The following ZMYM4 variants were observed in gnomAD, a reference collection of about 807,000 sequenced individuals.
The protein encoded by ZMYM4 is zinc finger MYM-type containing 4, also known as zinc finger MYM-type protein 4.
In ZMYM4, 31 loss-of-function variants were observed where a neutral mutation model predicts 183.2. That is an observed-to-expected ratio of 0.17 (90% CI 0.13 to 0.23). The LOEUF (loss-of-function observed/expected upper bound fraction) is 0.23, where lower values mean the gene tolerates loss of function less well. Among genes scored for constraint, ZMYM4 ranks in the 10% least tolerant of loss-of-function variants. The pLI is 1.00. For synonymous variants in ZMYM4, 592 were observed against 631.2 expected (o/e 0.94, Z 0.93); for missense variants, 1,273 against 1,840.3 (o/e 0.69, Z 5.64).
At chr1:35,342,264 C>T (rs2148862864) in intron 2 of ZMYM4, among the ~76,000 whole-genome samples, 1 of 152,164 alleles carries the variant, frequency 6.6e-6, no homozygotes, top group African/African-American at 2.4e-5. Context: ...AAGTGAGCCT[C>T]CCACCTCACC....
chr1:35,370,900 C>A (rs568678802), intron 7 of ZMYM4: 68 of 298,720 alleles, frequency 2.3e-4, no homozygotes, highest in African/African-American at 1.4e-3. Flanking sequence ...AGTTGAAGTG[C>A]CTGATATAAC....
chr1:35,273,158 G>A (rs1356789520), intron 1 of ZMYM4, among the ~76,000 whole-genome samples: 2 of 152,252 alleles, frequency 1.3e-5, no homozygotes, highest in East Asian at 3.9e-4. Context: ...GTGAACACGG[G>A]GGAGCTGAGT....
intron 19 of ZMYM4, 57 bp downstream of exon 19, chr1:35,396,727 CTG>C (rs1342354789): frequency 3.2e-5 from 49 of 1,546,702 alleles, no homozygotes; most frequent in South Asian, 2.0e-4. Context: ...TCAATTAAAA[CTG>C]TATAGTTCTG....
chr1:35,351,203 C>A, intron 2 of ZMYM4: 1 of 1,406,370 alleles, frequency 7.1e-7, no homozygotes, highest in South Asian at 1.2e-5. Flanking sequence ...TTTTGGGTAC[C>A]CTGAAGGGCG....
intron 1 of ZMYM4, among the ~76,000 whole-genome samples, chr1:35,299,050 A>G (rs1253145865): frequency 7.9e-6 from 1 of 127,144 alleles, no homozygotes; most frequent in Non-Finnish European, 1.6e-5. Context: ...TTTTTTTTTT[A>G]AGAAACAGAG....
intron 2 of ZMYM4, chr1:35,350,924 A>T (rs1643581950): frequency 1.5e-6 from 1 of 652,724 alleles, no homozygotes; most frequent in South Asian, 1.8e-5. Flanking sequence ...ATGCCCTTAT[A>T]GAGGGGGATA....
chr1:35,365,978 G>A (rs1210785110), intron 5 of ZMYM4: 1 of 152,142 alleles, frequency 6.6e-6, no homozygotes, highest in Non-Finnish European at 1.5e-5. Context: ...AAGGCTAAAG[G>A]AATCCAGCAG....
At chr1:35,271,019 T>A (rs538261003) in intron 1 of ZMYM4, among the ~76,000 whole-genome samples, 1 of 152,338 alleles carries the variant, frequency 6.6e-6, no homozygotes, top group East Asian at 1.9e-4. Flanking sequence ...AAATGTTGTG[T>A]ATGGAATGCA....
At position 35,421,031 on chromosome 1, in the gene ZMYM4, G is replaced by T. The variant is rs1328268774; in HGVS notation, c.*1354G>T. The T allele has an allele frequency of 6.6e-6, 1 of 152,254 alleles. No homozygotes were observed. Among genetic ancestry groups the T allele is most frequent in the Non-Finnish European group, 1.5e-5 (1 of 68,044 alleles). The allele number at this position is 152,254 out of a possible 1,614,324, so 9.4% of individuals were successfully genotyped here. ...TGGAATCAAAGCTTTTATGACGTTT[G>T]CCAATTGCAGAACTTCTTCAGCTAA... On this transcript the variant is annotated 3_prime_UTR_variant, in exon 30 of 30. Coordinates refer to ENST00000314607, the MANE Select transcript of ZMYM4 (RefSeq NM_005095.3).
chr1:35,306,748 T>C (rs1641550960), intron 1 of ZMYM4, among the ~76,000 whole-genome samples: 1 of 152,228 alleles, frequency 6.6e-6, no homozygotes, highest in African/African-American at 2.4e-5. Flanking sequence ...TCTTCTGTTG[T>C]GGACCTCCTC....
In ZMYM4 at chr1:35,420,934, C is replaced by G. The variant is rs1012144659; in HGVS notation, c.*1257C>G. On this transcript the variant is annotated 3_prime_UTR_variant, in exon 30 of 30. Transcript: ENST00000314607. ...TGTTTCAGTAGTTCTATGAGGATTGCAAGTCATAGGTGTGTGTGGCATATC... is the reference window on the plus strand; with the variant it reads ...TGTTTCAGTAGTTCTATGAGGATTGGAAGTCATAGGTGTGTGTGGCATATC... The G allele has an allele frequency of 6.6e-6, 1 of 152,322 alleles. No individual in the cohort carries two copies. Among genetic ancestry groups the G allele is most frequent in the African/African-American group, 2.4e-5 (1 of 41,424 alleles). The allele number at this position is 152,322 out of a possible 1,614,324, so 9.4% of individuals were successfully genotyped here.
At chr1:35,364,646 A>G (rs1438142324) in intron 5 of ZMYM4, among the ~76,000 whole-genome samples, 1 of 152,210 alleles carries the variant, frequency 6.6e-6, no homozygotes, top group Admixed American at 6.5e-5. Context: ...GATAGATTTT[A>G]CAGTTGTGGT....
At chr1:35,418,356 G>T (rs1640204459) in intron 28 of ZMYM4, 87 bp from the exon 29 acceptor site, 5 of 1,433,478 alleles carry the variant, frequency 3.5e-6, no homozygotes, top group Non-Finnish European at 4.7e-6. Context: ...CAAAGTTCTG[G>T]CTGCGAAGCA....
In ZMYM4 at chr1:35,387,233, C is replaced by T. The variant is rs1434467087; in HGVS notation, c.2067C>T (p.His689=). Residue 689 remains histidine (H), a synonymous_variant, in exon 12 of 30, where the codon CAC becomes CAT. Transcript: ENST00000314607. ...ARSVVKLKCQ[H]CNRLFATKPE... is the part of the protein sequence containing the mutation. ...GTGTTGTGAAACTCAAATGTCAACA[C>T]TGTAACCGTCTTTTTGCCACAAAAC... 1.2e-6 allele frequency: 2 copies of T among 1,614,188 alleles called. No homozygotes were observed. Among genetic ancestry groups the T allele is most frequent in the Non-Finnish European group, 1.7e-6 (2 of 1,180,004 alleles).
At chr1:35,407,590 A>T (rs1046018114) in intron 25 of ZMYM4, among the ~76,000 whole-genome samples, 6 of 152,356 alleles carry the variant, frequency 3.9e-5, no homozygotes, top group East Asian at 1.9e-4. Flanking sequence ...AGTGTTCTCC[A>T]GCTCTCACAT....
chr1:35,338,788 CT>C (rs1363786369), intron 2 of ZMYM4, among the ~76,000 whole-genome samples: 5 of 152,114 alleles, frequency 3.3e-5, no homozygotes, highest in African/African-American at 1.2e-4. Context: ...TACGTTAAAT[CT>C]ATTACCCACT....
At chr1:35,418,018 AAAAGAGATGGC>A (rs1159158050) in intron 28 of ZMYM4, among the ~76,000 whole-genome samples, 2 of 152,116 alleles carry the variant, frequency 1.3e-5, no homozygotes, top group Non-Finnish European at 2.9e-5. Context: ...CAAAAAAAAA[AAAAGAGATGGC>A]AACTTCTGTC....
At chr1:35,282,384 C>T (rs1446595045) in intron 1 of ZMYM4, among the ~76,000 whole-genome samples, 1 of 152,190 alleles carries the variant, frequency 6.6e-6, no homozygotes. Flanking sequence ...GACACCAGTG[C>T]CATGCTTTTG....
At chr1:35,361,875 A>G (rs2148911439) in intron 5 of ZMYM4, 86 bp downstream of exon 5, 10 of 1,503,024 alleles carry the variant, frequency 6.7e-6, no homozygotes, top group South Asian at 5.4e-5. Context: ...AAGAAGTGAA[A>G]TAGTTTGTTG....
Sources: gnomAD v4.1 joint callset for allele counts (sites outside exome capture counted in the v4.1 genomes callset) on GRCh38, gnomAD v4.1.1 for gene constraint, MANE v1.5 for transcripts, NCBI Gene and HGNC (gene_info 2026-07-23, HGNC 2026-07-21) for gene names.